RARB: variants seen among roughly 807,000 people sequenced by gnomAD.
RARB encodes HBV-activated protein.
Under a neutral mutation model 51.9 loss-of-function variants are expected in RARB, and 17 were observed. That is an observed-to-expected ratio of 0.33 (90% confidence interval 0.22 to 0.49). The LOEUF (loss-of-function observed/expected upper bound fraction) is 0.49, where lower values mean the gene tolerates loss of function less well. RARB is among the 20% of genes least tolerant of loss of function. RARB has a pLI of 0.99. For missense variants in RARB, 369 were observed against 550.8 expected (o/e 0.67, Z 3.30); for synonymous variants, 215 against 195.4 (o/e 1.10, Z -0.84).
At chr3:25,211,527 T>C (rs1187871659) in intron 5 of RARB, among the ~76,000 whole-genome samples, 4 of 152,212 alleles carry the variant, frequency 2.6e-5, no homozygotes. Flanking sequence ...AAAAAATACA[T>C]AGAACATTTT....
At chr3:25,594,925 A>C (rs928928162) in intron 7 of RARB, among the ~76,000 whole-genome samples, 2 of 152,124 alleles carry the variant, frequency 1.3e-5, no homozygotes, top group Non-Finnish European at 2.9e-5. Flanking sequence ...GATTAGAAAA[A>C]CATTGTTTTC....
intron 2 of RARB, among the ~76,000 whole-genome samples, chr3:24,972,236 T>C (rs917959006): frequency 1.1e-4 from 16 of 152,020 alleles, no homozygotes; most frequent in African/African-American, 3.9e-4. Flanking sequence ...AGTGAGAACA[T>C]GTGATATTTG....
At chr3:25,148,410 C>T (rs1700228702) in intron 4 of RARB, among the ~76,000 whole-genome samples, 1 of 152,280 alleles carries the variant, frequency 6.6e-6, no homozygotes, top group Non-Finnish European at 1.5e-5. Flanking sequence ...GTTACAAAAT[C>T]ATTGGATCAG....
intron 5 of RARB, among the ~76,000 whole-genome samples, chr3:25,346,934 A>G (rs1705413248): frequency 6.6e-6 from 1 of 152,226 alleles, no homozygotes; most frequent in Non-Finnish European, 1.5e-5. Flanking sequence ...TAGTCAAGTT[A>G]GTAAGAGGAT....
At chr3:24,859,878 A>C (rs2125341047) in intron 2 of RARB, among the ~76,000 whole-genome samples, 1 of 152,312 alleles carries the variant, frequency 6.6e-6, no homozygotes, top group East Asian at 1.9e-4. Flanking sequence ...ATTTGTAGAC[A>C]CTGAAATTTA....
intron 2 of RARB, among the ~76,000 whole-genome samples, chr3:25,036,890 T>C (rs1698006506): frequency 6.6e-6 from 1 of 152,178 alleles, no homozygotes; most frequent in Non-Finnish European, 1.5e-5. Flanking sequence ...TTTTACAGAA[T>C]TGAGTTTTTT....
intron 3 of RARB, among the ~76,000 whole-genome samples, chr3:25,507,341 A>G (rs1185727911): frequency 1.3e-5 from 2 of 152,214 alleles, no homozygotes; most frequent in Non-Finnish European, 2.9e-5. Context: ...AGGCAAAACA[A>G]TTCTAGGTGT....
At chr3:25,159,278 T>C (rs71311526) in intron 4 of RARB, among the ~76,000 whole-genome samples, 14,005 of 147,176 alleles carry the variant, frequency 0.095, 866 homozygotes, top group South Asian at 0.25. Context: ...CAAGCAATTC[T>C]CCTGCCTCAG....
chr3:25,391,599 G>A (rs1173697109), intron 5 of RARB, among the ~76,000 whole-genome samples: 1 of 149,136 alleles, frequency 6.7e-6, no homozygotes, highest in Non-Finnish European at 1.5e-5. Flanking sequence ...GAAGTAAGAT[G>A]GTATCACATT....
chr3:24,926,194 T>C (rs557172099), intron 2 of RARB, among the ~76,000 whole-genome samples: 1 of 152,256 alleles, frequency 6.6e-6, no homozygotes, highest in Admixed American at 6.5e-5. Context: ...AGTAGGATGT[T>C]TGTTAGCAGT....
intron 4 of RARB, among the ~76,000 whole-genome samples, chr3:25,577,283 T>G (rs1489867067): frequency 6.6e-6 from 1 of 152,142 alleles, no homozygotes; most frequent in African/African-American, 2.4e-5. Context: ...ACCATAATGG[T>G]GCCTACCGCA....
chr3:25,125,962 G>A (rs866090538), intron 3 of RARB, among the ~76,000 whole-genome samples: 12 of 152,196 alleles, frequency 7.9e-5, no homozygotes, highest in African/African-American at 2.2e-4. Context: ...TGGGAGAGAG[G>A]GCAGTGGCCT....
chr3:25,269,887 T>G (rs1703213761), intron 5 of RARB, among the ~76,000 whole-genome samples: 1 of 152,114 alleles, frequency 6.6e-6, no homozygotes, highest in Non-Finnish European at 1.5e-5. Context: ...ATACAAATGG[T>G]CATTAAGCAT....
At chr3:24,982,343 A>G (rs953499211) in intron 2 of RARB, among the ~76,000 whole-genome samples, 8 of 152,288 alleles carry the variant, frequency 5.3e-5, no homozygotes, top group South Asian at 4.1e-4. Flanking sequence ...TGATTTCTAC[A>G]TCTTTTCTCA....
At chr3:25,517,126 T>C (rs774294945) in intron 3 of RARB, among the ~76,000 whole-genome samples, 6 of 152,230 alleles carry the variant, frequency 3.9e-5, no homozygotes, top group Non-Finnish European at 7.3e-5. Context: ...ATTGAAAATA[T>C]GTAATGTCAC....
intron 2 of RARB, among the ~76,000 whole-genome samples, chr3:25,474,540 TAC>T (rs1305427950): frequency 6.6e-6 from 1 of 152,196 alleles, no homozygotes; most frequent in Non-Finnish European, 1.5e-5. Flanking sequence ...TAAGCCAGTT[TAC>T]AGTCCCAACA....
At chr3:24,920,160 C>T (rs891924831) in intron 2 of RARB, among the ~76,000 whole-genome samples, 1 of 152,160 alleles carries the variant, frequency 6.6e-6, no homozygotes, top group Non-Finnish European at 1.5e-5. Context: ...AGAGGTCCTG[C>T]TGGGACTACT....
intron 1 of RARB, among the ~76,000 whole-genome samples, chr3:25,435,787 T>C (rs899379746): frequency 6.6e-6 from 1 of 152,234 alleles, no homozygotes; most frequent in African/African-American, 2.4e-5. Context: ...AAACAAGTCT[T>C]TGGAATGGAT....
At position 25,297,839 on chromosome 3, in the gene RARB, T is replaced by A. The variant is rs543234629; in HGVS notation, c.178+123264T>A. Among the ~76,000 whole-genome samples, 35 of 152,322 alleles carry A rather than the reference T, an allele frequency of 2.3e-4. No individual in the cohort carries two copies. In the South Asian group the frequency reaches 7.1e-3, roughly 31 times the overall value. On this transcript the variant is annotated intron_variant, in intron 5 of 11. Coordinates refer to the RARB transcript ENST00000383772. The stretch of plus-strand genomic sequence containing the variant: ...AAATTTTTTGATGTTGTCCTAGATT[T>A]CTACTTTTTTAGAGGCTTTTTGAAA...
Sources: gnomAD v4.1 joint callset for allele counts (sites outside exome capture counted in the v4.1 genomes callset) on GRCh38, gnomAD v4.1.1 for gene constraint, MANE v1.5 for transcripts, NCBI Gene and HGNC (gene_info 2026-07-23, HGNC 2026-07-21) for gene names.